The following DACH2 variants were observed in gnomAD, a reference collection of about 807,000 sequenced individuals.
The protein encoded by DACH2 is dachshund homolog 2.
A neutral mutation model predicts 35.8 loss-of-function variants in DACH2; 17 were observed. That is an observed-to-expected ratio of 0.48 (90% CI 0.33 to 0.71). The LOEUF (loss-of-function observed/expected upper bound fraction) is 0.71. Ranked by LOEUF, DACH2 falls within the 30% of genes least tolerant of loss-of-function variation. The pLI, the probability that DACH2 is intolerant of heterozygous loss-of-function variation, is 0.02. For missense variants in DACH2, 469 were observed against 472.7 expected (o/e 0.99, Z 0.07); for synonymous variants, 195 against 177.3 (o/e 1.10, Z -0.79).
At chrX:86,681,591 CTCCCTCTCTCTCTCTCTCTA>C (rs2040881510) in intron 4 of DACH2, among the ~76,000 whole-genome samples, 1 of 92,825 alleles carries the variant, frequency 1.1e-5, no homozygotes, top group Admixed American at 1.5e-4. Context: ...CTCTCTCTTT[CTCCCTCTCTCTCTCTCTCTA>C]TATATATATA....
intron 1 of DACH2, among the ~76,000 whole-genome samples, chrX:86,261,286 T>C (rs1001322875): frequency 8.9e-6 from 1 of 112,248 alleles, no homozygotes; most frequent in Non-Finnish European, 1.9e-5. Flanking sequence ...GAAGGTAGTA[T>C]GCAAATACAT....
In DACH2 at chrX:86,446,913, A is replaced by G. The variant is rs752973750; in HGVS notation, c.528-67366A>G. 5.1e-3 allele frequency among the ~76,000 whole-genome samples: 472 copies of G among 92,926 alleles called. 5 individuals are homozygous for G. The highest frequency in any genetic ancestry group is 8.4e-3 in the Non-Finnish European group (393 of 46,582). 80.7% of individuals were successfully genotyped at this position (92,926 alleles called of 115,157 possible). A position where few individuals can be genotyped will look rare whatever the true frequency, so the allele number is the denominator to read the frequency against. Reference sequence around the variant, plus strand: ...TGAACTAGTTTACAGTCCCACCAACAGTGTAAAAGTGTTCCTATTTCTCCG... The same window carrying G: ...TGAACTAGTTTACAGTCCCACCAACGGTGTAAAAGTGTTCCTATTTCTCCG... On this transcript the variant is annotated intron_variant, in intron 2 of 11. Transcript: ENST00000373125.
At chrX:86,454,923 A>G (rs1340413559) in intron 2 of DACH2, among the ~76,000 whole-genome samples, 2 of 111,269 alleles carry the variant, frequency 1.8e-5, no homozygotes, top group African/African-American at 3.3e-5. Flanking sequence ...TCTACCTTCA[A>G]TCTTTTAGTT....
At chrX:86,674,926 T>G (rs2040809598) in intron 4 of DACH2, among the ~76,000 whole-genome samples, 1 of 110,659 alleles carries the variant, frequency 9.0e-6, no homozygotes, top group Admixed American at 9.8e-5. Flanking sequence ...AGCCATTCAG[T>G]AATTTCCTTA....
chrX:86,763,940 C>T (rs909880132), intron 7 of DACH2, among the ~76,000 whole-genome samples: 6 of 111,597 alleles, frequency 5.4e-5, no homozygotes, highest in Non-Finnish European at 7.5e-5. Context: ...AAGACATACA[C>T]CAAAATGCTA....
At chrX:86,680,868 G>T (rs2040873617) in intron 4 of DACH2, among the ~76,000 whole-genome samples, 1 of 109,363 alleles carries the variant, frequency 9.1e-6, no homozygotes, top group South Asian at 4.0e-4. Context: ...TGCCCAGCCT[G>T]GTCTTGACCC....
intron 1 of DACH2, among the ~76,000 whole-genome samples, chrX:86,228,251 A>C (rs1267895026): frequency 9.0e-6 from 1 of 110,809 alleles, no homozygotes; most frequent in Non-Finnish European, 1.9e-5. Context: ...TTCACTTAGA[A>C]TAATAGTCTC....
At chrX:86,505,209 T>G (rs1044705610) in intron 2 of DACH2, among the ~76,000 whole-genome samples, 4 of 111,764 alleles carry the variant, frequency 3.6e-5, no homozygotes, top group Non-Finnish European at 7.5e-5. Context: ...CAGTGGAAAA[T>G]GTAAGTCTAT....
chrX:86,658,010 G>C (rs955683314), intron 4 of DACH2, among the ~76,000 whole-genome samples: 6 of 111,210 alleles, frequency 5.4e-5, no homozygotes, highest in Admixed American at 1.9e-4. Flanking sequence ...TTTGTGAAAG[G>C]CTTTATCAAA....
At chrX:86,409,047 G>C (rs969012510) in intron 2 of DACH2, among the ~76,000 whole-genome samples, 4 of 111,608 alleles carry the variant, frequency 3.6e-5, no homozygotes, top group African/African-American at 1.3e-4. Flanking sequence ...TAGTCCAGGG[G>C]AGTAGGTTAG....
intron 3 of DACH2, among the ~76,000 whole-genome samples, chrX:86,601,245 T>C (rs986607951): frequency 9.0e-6 from 1 of 111,576 alleles, no homozygotes; most frequent in Non-Finnish European, 1.9e-5. Flanking sequence ...CAGAAAATTT[T>C]CCAAAGTTTC....
intron 1 of DACH2, among the ~76,000 whole-genome samples, chrX:86,215,403 A>G (rs1648331297): frequency 9.0e-6 from 1 of 111,722 alleles, no homozygotes; most frequent in African/African-American, 3.2e-5. Flanking sequence ...TTCATTTTCC[A>G]GTGTTTTAGC....
At chrX:86,268,432 T>C (rs4828369) in intron 1 of DACH2, among the ~76,000 whole-genome samples, 5,282 of 111,613 alleles carry the variant, frequency 0.047, 155 homozygotes, top group East Asian at 0.21. Flanking sequence ...ATTTAACCAA[T>C]GCCACATGGG....
chrX:86,556,779 TATATATATATATATATAGAG>T (rs1248680707), intron 3 of DACH2, among the ~76,000 whole-genome samples: 8 of 64,324 alleles, frequency 1.2e-4, no homozygotes, highest in Admixed American at 4.1e-4. Context: ...TATATATATA[TATATATATATATATATAGAG>T]AGAGAGAGAG....
intron 3 of DACH2, among the ~76,000 whole-genome samples, chrX:86,631,204 A>G (rs373335222): frequency 2.7e-5 from 3 of 112,177 alleles, no homozygotes; most frequent in Non-Finnish European, 5.6e-5. Flanking sequence ...TGTTTAGCCT[A>G]TAACTACCTT....
chrX:86,795,748 C>T (rs1422207340), intron 7 of DACH2, among the ~76,000 whole-genome samples: 1 of 111,389 alleles, frequency 9.0e-6, no homozygotes, highest in Non-Finnish European at 1.9e-5. Flanking sequence ...TCAGATGTGT[C>T]TGGAGTTTCT....
chrX:86,443,258 G>A (rs2037201364), intron 2 of DACH2, among the ~76,000 whole-genome samples: 1 of 111,279 alleles, frequency 9.0e-6, no homozygotes, highest in Non-Finnish European at 1.9e-5. Context: ...ATAGTTTTCA[G>A]TGTAGAGACC....
chrX:86,440,875 G>T (rs1485060641), intron 2 of DACH2, among the ~76,000 whole-genome samples: 6 of 110,986 alleles, frequency 5.4e-5, no homozygotes, highest in African/African-American at 2.0e-4. Context: ...ATACAATATT[G>T]TTAATTGTAG....
chrX:86,376,841 C>T lies in DACH2; in HGVS notation c.506C>T (p.Thr169Ile). The change falls in exon 2 of 12, where the codon ACA becomes ATA. Residue 169 changes from threonine (T) to isoleucine (I), a missense_variant. By Grantham distance (89) the Thr-to-Ile change is moderately conservative (BLOSUM62 -1). This residue lies in a region of DACH2 where 363 missense variants were observed against 334.4 expected (regional missense o/e 1.09). Transcript: ENST00000373125. ...CTNARRKRQM[T>I]RKQAVNSSRP... The stretch of plus-strand genomic sequence containing the variant: ...CCTTTTAGAAGGAAGAGGCAAATGA[C>T]AAGAAAACAAGCTGTTAACAGGTAT... The T allele has an allele frequency of 1.1e-6, 1 of 907,362 alleles. No individual in the cohort carries two copies. Among genetic ancestry groups the T allele is most frequent in the Non-Finnish European group, 1.6e-6 (1 of 629,202 alleles). 74.8% of individuals were successfully genotyped at this position (907,362 alleles called of 1,213,427 possible).
Sources: allele counts gnomAD v4.1 joint callset (sites outside exome capture counted in the v4.1 genomes callset), GRCh38; gene constraint gnomAD v4.1.1; regional missense constraint gnomAD v4.1.1; transcripts MANE v1.5; gene names NCBI Gene and HGNC (gene_info 2026-07-23, HGNC 2026-07-21).